The following MIPOL1 variants were observed in gnomAD, a reference collection of about 807,000 sequenced individuals.
The protein encoded by MIPOL1 is mirror-image polydactyly 1.
A neutral mutation model predicts 60.9 loss-of-function variants in MIPOL1; 57 were observed. The observed-to-expected ratio is 0.94, with a 90% CI of 0.76 to 1.17. MIPOL1 has a LOEUF of 1.17. Ranked by LOEUF, MIPOL1 falls within the 50% of genes most tolerant of loss-of-function variation. MIPOL1 has a pLI of 0.00. For synonymous variants in MIPOL1, 179 were observed against 168.8 expected (o/e 1.06, Z -0.47); for missense variants, 551 against 511.6 (o/e 1.08, Z -0.74).
chr14:37,355,076 T>A (rs1360397438), intron 9 of MIPOL1, among the ~76,000 whole-genome samples: 1 of 148,692 alleles, frequency 6.7e-6, no homozygotes, highest in Admixed American at 6.8e-5. Flanking sequence ...AGCACTTCCT[T>A]CAGGAGCTCT....
intron 6 of MIPOL1, among the ~76,000 whole-genome samples, chr14:37,283,784 C>G (rs1276332174): frequency 1.3e-5 from 2 of 152,144 alleles, no homozygotes; most frequent in Admixed American, 6.5e-5. Flanking sequence ...TATACCTGAA[C>G]TTCAACTAAA....
intron 9 of MIPOL1, among the ~76,000 whole-genome samples, chr14:37,313,939 T>C (rs1278877458): frequency 6.6e-6 from 1 of 152,146 alleles, no homozygotes; most frequent in Non-Finnish European, 1.5e-5. Context: ...TTCCTTCTAC[T>C]TTTCTGTCTT....
At chr14:37,315,956 C>A (rs2415393) in intron 9 of MIPOL1, among the ~76,000 whole-genome samples, 151,091 of 152,128 alleles carry the variant, frequency 0.99, 75,039 homozygotes, top group Middle Eastern at 1. Flanking sequence ...TGAATGAGGT[C>A]GAAGGACATT....
chr14:37,271,705 T>C (rs2083313988), intron 6 of MIPOL1, among the ~76,000 whole-genome samples: 1 of 151,796 alleles, frequency 6.6e-6, no homozygotes, highest in African/African-American at 2.4e-5. Context: ...TTTGGCAATT[T>C]CTTGGCTTTT....
At chr14:37,489,148 G>T (rs1206225403) in intron 11 of MIPOL1, among the ~76,000 whole-genome samples, 1 of 152,116 alleles carries the variant, frequency 6.6e-6, no homozygotes, top group Admixed American at 6.5e-5. Flanking sequence ...TGGAGGCTTT[G>T]TTTGTTCCTT....
In MIPOL1 at chr14:37,453,561, T is replaced by C. The variant is rs191395254; in HGVS notation, c.1031+30612T>C. On this transcript the variant is annotated intron_variant, in intron 11 of 12. Transcript: ENST00000684589. ...ACTCTGAGTAATTATTTGACCTGTT[T>C]AGCTCCATTTTTTCATTTTAAATGG... 2.8e-3 allele frequency among the ~76,000 whole-genome samples: 427 copies of C among 152,264 alleles called. 3 individuals carry two copies. The highest frequency in any genetic ancestry group is 1.0e-2 in the African/African-American group (415 of 41,570).
chr14:37,489,400 C>T (rs969292827), intron 11 of MIPOL1, among the ~76,000 whole-genome samples: 2 of 152,132 alleles, frequency 1.3e-5, no homozygotes, highest in Non-Finnish European at 2.9e-5. Flanking sequence ...AGAACATGCT[C>T]CTTTAGCTCA....
chr14:37,477,339 G>A (rs2153595386), intron 11 of MIPOL1, among the ~76,000 whole-genome samples: 1 of 152,168 alleles, frequency 6.6e-6, no homozygotes, highest in Non-Finnish European at 1.5e-5. Flanking sequence ...GAATTCACCA[G>A]TGGGCCTGGT....
chr14:37,412,105 C>G (rs2093690087), intron 10 of MIPOL1, among the ~76,000 whole-genome samples: 1 of 152,128 alleles, frequency 6.6e-6, no homozygotes, highest in Admixed American at 6.6e-5. Flanking sequence ...TTGCTTAACT[C>G]CAAAGACCTT....
chr14:37,271,746 G>A lies in MIPOL1; in HGVS notation c.493+1221G>A, dbSNP rs568007496. On this transcript the variant is annotated intron_variant, in intron 6 of 12. Coordinates refer to ENST00000684589, the MANE Select transcript of MIPOL1 (RefSeq NM_001388067.1). ...TCATGTATAAATATACTAATTTTTA[G>A]GATACTATTAGAAGAAATTTGTTTT... Among the ~76,000 whole-genome samples the A allele has an allele frequency of 2.6e-4, 39 of 151,526 alleles. No individual in the cohort carries two copies. The East Asian group carries it at 7.5e-3, about 29-fold the overall frequency.
At chr14:37,509,933 A>T (rs984375428) in intron 12 of MIPOL1, among the ~76,000 whole-genome samples, 1 of 151,664 alleles carries the variant, frequency 6.6e-6, no homozygotes. Flanking sequence ...ACAGTCATTG[A>T]TCATGTTTTA....
chr14:37,405,899 A>AG lies in MIPOL1; in HGVS notation c.937-16955dup, dbSNP rs529219089. 9.7e-4 allele frequency among the ~76,000 whole-genome samples: 128 copies of AG among 131,464 alleles called. No homozygotes were observed. In the East Asian group the frequency reaches 0.013, roughly 13 times the overall value. 86.2% of individuals were successfully genotyped at this position (131,464 alleles called of 152,430 possible). A position where few individuals can be genotyped will look rare whatever the true frequency, so the allele number is the denominator to read the frequency against. On this transcript the variant is annotated intron_variant, in intron 10 of 12. Transcript: ENST00000684589. Reference sequence around the variant, plus strand: ...GATTAAAATATTTTCCTTTTTTAAGAGTTTTTTTTTTTTCAGTTTTCATGG... The same window carrying AG: ...GATTAAAATATTTTCCTTTTTTAAGAGGTTTTTTTTTTTTCAGTTTTCATGG...
intron 10 of MIPOL1, among the ~76,000 whole-genome samples, chr14:37,412,930 GC>G (rs1318738280): frequency 6.6e-6 from 1 of 152,030 alleles, no homozygotes; most frequent in Admixed American, 6.6e-5. Context: ...TTAAAATGGG[GC>G]TTGAAGGATT....
chr14:37,265,786 T>G (rs1325617336), intron 3 of MIPOL1, among the ~76,000 whole-genome samples: 1 of 152,058 alleles, frequency 6.6e-6, no homozygotes, highest in African/African-American at 2.4e-5. Context: ...TGGGCAACAC[T>G]GCAAGATCCT....
intron 9 of MIPOL1, among the ~76,000 whole-genome samples, chr14:37,349,504 A>G (rs1046504985): frequency 6.6e-6 from 1 of 152,084 alleles, no homozygotes; most frequent in African/African-American, 2.4e-5. Context: ...TCTCCTTGCC[A>G]TTACTCAAAT....
At chr14:37,402,074 T>C (rs982688764) in intron 10 of MIPOL1, among the ~76,000 whole-genome samples, 1 of 152,140 alleles carries the variant, frequency 6.6e-6, no homozygotes, top group South Asian at 2.1e-4. Flanking sequence ...AAAGCAAAGA[T>C]GATTATTTCC....
chr14:37,390,861 G>A (rs980946528), intron 10 of MIPOL1, among the ~76,000 whole-genome samples: 11 of 151,898 alleles, frequency 7.2e-5, no homozygotes, highest in African/African-American at 2.4e-4. Flanking sequence ...AGCAGAAGTT[G>A]ACAAGATAGT....
intron 11 of MIPOL1, among the ~76,000 whole-genome samples, chr14:37,468,473 G>A (rs2094631754): frequency 1.3e-5 from 2 of 152,166 alleles, no homozygotes; most frequent in East Asian, 3.9e-4. Context: ...TTAGTGTCCA[G>A]AAAGTAATTA....
chr14:37,222,713 T>G (rs78722339), intron 1 of MIPOL1, among the ~76,000 whole-genome samples: 6,667 of 152,270 alleles, frequency 0.044, 333 homozygotes, highest in African/African-American at 0.12. Context: ...TTAAGTTATT[T>G]GTAAGAAGTT....
Sources: allele counts gnomAD v4.1 joint callset (sites outside exome capture counted in the v4.1 genomes callset), GRCh38; gene constraint gnomAD v4.1.1; transcripts MANE v1.5; gene names NCBI Gene and HGNC (gene_info 2026-07-23, HGNC 2026-07-21).